The following MELK variants were observed in gnomAD, a reference collection of about 807,000 sequenced individuals.
MELK encodes the protein maternal embryonic leucine zipper kinase.
MELK carries 81 observed loss-of-function variants against 85.0 expected under a neutral mutation model. The ratio of observed to expected loss-of-function variants is 0.95; its 90% confidence interval spans 0.80 to 1.15. MELK has a LOEUF of 1.15. Ranked by LOEUF, MELK falls within the 50% of genes most tolerant of loss-of-function variation. MELK has a pLI of 0.00. For missense variants in MELK, 754 were observed against 777.5 expected, an observed-to-expected ratio of 0.97 and a Z score of 0.36; for synonymous variants, 252 against 265.0, an observed-to-expected ratio of 0.95 and a Z score of 0.48.
intron 17 of MELK, among the ~76,000 whole-genome samples, chr9:36,675,969 C>G (rs1213555099): frequency 6.6e-6 from 1 of 152,102 alleles, no homozygotes; most frequent in Non-Finnish European, 1.5e-5. Context: ...CCTGGCATTC[C>G]TCTCAGGCTT....
At chr9:36,615,895 C>G (rs1181834044) in intron 8 of MELK, among the ~76,000 whole-genome samples, 9 of 150,786 alleles carry the variant, frequency 6.0e-5, no homozygotes, top group Non-Finnish European at 5.9e-5. Context: ...AGAGGGGCTC[C>G]TCACATCCCA....
At position 36,674,849 on chromosome 9, in the gene MELK, A is replaced by G. The variant is rs753300807; in HGVS notation, c.1690A>G (p.Thr564Ala). The stretch of plus-strand genomic sequence containing the variant: ...CTTTTCTTAGCTTCACTATAACGTG[A>G]CTACAACTAGATTAGTGAATCCAGA... ...PRRLKLHYNV[T>A]TTRLVNPDQL... The change falls in exon 17 of 18, where the codon ACT (threonine) becomes GCT (alanine). Residue 564 changes from threonine to alanine, a missense_variant. Coordinates refer to ENST00000298048, the MANE Select transcript of MELK (RefSeq NM_014791.4). 3.8e-6 allele frequency: 6 copies of G among 1,578,182 alleles called. No individual in the cohort carries two copies. Among genetic ancestry groups the G allele is most frequent in the African/African-American group, 2.7e-5 (2 of 74,450 alleles).
chr9:36,645,836 A>G (rs2137041906), intron 11 of MELK, among the ~76,000 whole-genome samples: 1 of 152,324 alleles, frequency 6.6e-6, no homozygotes, highest in African/African-American at 2.4e-5. Context: ...TAGGACCAGC[A>G]GCAGCAGCAT....
chr9:36,601,875 T>C (rs755534852), intron 7 of MELK, among the ~76,000 whole-genome samples: 15 of 152,240 alleles, frequency 9.9e-5, no homozygotes, highest in Non-Finnish European at 1.8e-4. Context: ...TCAAGGTTCA[T>C]GCATGTTGTA....
At chr9:36,675,840 A>AT (rs1440161392) in intron 17 of MELK, among the ~76,000 whole-genome samples, 5 of 152,204 alleles carry the variant, frequency 3.3e-5, no homozygotes, top group Non-Finnish European at 1.5e-5. Flanking sequence ...ACATGCATGG[A>AT]TTTAAACATG....
At chr9:36,587,070 C>T (rs1421352722) in intron 3 of MELK, among the ~76,000 whole-genome samples, 1 of 151,914 alleles carries the variant, frequency 6.6e-6, no homozygotes, top group Admixed American at 6.6e-5. Context: ...AGGATGGTCT[C>T]GATCTCCTGA....
intron 8 of MELK, among the ~76,000 whole-genome samples, chr9:36,616,078 G>A (rs1409905137): frequency 6.6e-6 from 1 of 152,136 alleles, no homozygotes; most frequent in Non-Finnish European, 1.5e-5. Flanking sequence ...GCGCTCGCCG[G>A]CGCGGTGGCA....
chr9:36,643,533 T>C (rs187821085), intron 11 of MELK, among the ~76,000 whole-genome samples: 71 of 152,308 alleles, frequency 4.7e-4, no homozygotes, highest in Non-Finnish European at 9.7e-4. Context: ...TTAAAAAATA[T>C]TTACATATGA....
intron 11 of MELK, among the ~76,000 whole-genome samples, chr9:36,649,478 T>C (rs1003326950): frequency 6.9e-6 from 1 of 144,512 alleles, no homozygotes; most frequent in African/African-American, 2.6e-5. Context: ...CAGAGCAAAG[T>C]AGAACAGCTA....
chr9:36,581,874 G>A, intron 2 of MELK, 135 bp downstream of exon 2: 2 of 607,680 alleles, frequency 3.3e-6, no homozygotes, highest in East Asian at 2.8e-5. Flanking sequence ...AAGAAAAAGT[G>A]GAGCAAGCAG....
chr9:36,662,360 C>T (rs1441456210), intron 13 of MELK, among the ~76,000 whole-genome samples: 8 of 151,782 alleles, frequency 5.3e-5, no homozygotes, highest in Non-Finnish European at 7.4e-5. Flanking sequence ...TCTCCTGCCT[C>T]AGCCTCCCAA....
chr9:36,596,349 G>A (rs948373240), intron 5 of MELK, among the ~76,000 whole-genome samples: 4 of 151,558 alleles, frequency 2.6e-5, no homozygotes, highest in African/African-American at 9.7e-5. Flanking sequence ...TCTGCCTCCC[G>A]TGTTCACGCC....
chr9:36,613,641 T>C (rs746508053), intron 8 of MELK, among the ~76,000 whole-genome samples: 1 of 152,108 alleles, frequency 6.6e-6, no homozygotes, highest in Non-Finnish European at 1.5e-5. Context: ...AGGATAAACT[T>C]CATGGAGGCG....
At chr9:36,662,127 AT>A (rs1180055802) in intron 13 of MELK, among the ~76,000 whole-genome samples, 1 of 147,614 alleles carries the variant, frequency 6.8e-6, no homozygotes, top group East Asian at 2.0e-4. Context: ...TTATTTCTTG[AT>A]TTTTTATGTT....
rs1587300808 is a variant in MELK, at chr9:36,578,953, C to G, written c.-38-2691C>G. Among the ~76,000 whole-genome samples, 3 of 152,132 alleles carry G rather than the reference C, an allele frequency of 2.0e-5. 1 individual carries two copies. Among genetic ancestry groups the G allele is most frequent in the Middle Eastern group, 3.4e-3 (1 of 294 alleles). The stretch of plus-strand genomic sequence containing the variant: ...TGCCTCCTGGGTTCAAGCAATTCTC[C>G]TGCCTCAGCCTCCCGAGTAGCTGGG... On this transcript the variant is annotated intron_variant, in intron 1 of 17. Coordinates refer to ENST00000298048, the MANE Select transcript of MELK (RefSeq NM_014791.4).
intron 9 of MELK, among the ~76,000 whole-genome samples, chr9:36,631,700 A>G (rs1384181034): frequency 6.6e-6 from 1 of 152,078 alleles, no homozygotes; most frequent in African/African-American, 2.4e-5. Context: ...TCAGCCTCCC[A>G]AGTAACTGGG....
chr9:36,657,017 G>A (rs368096103), intron 12 of MELK, among the ~76,000 whole-genome samples: 228 of 152,336 alleles, frequency 1.5e-3, no homozygotes, highest in African/African-American at 5.3e-3. Context: ...GGTTTGTAGT[G>A]TAGGAGCAAC....
intron 8 of MELK, among the ~76,000 whole-genome samples, chr9:36,629,354 A>T (rs1828280995): frequency 6.6e-6 from 1 of 152,182 alleles, no homozygotes; most frequent in Non-Finnish European, 1.5e-5. Context: ...TAAGTGTGTA[A>T]AGAGATATTC....
At chr9:36,675,032 TC>T in intron 17 of MELK, 95 bp downstream of exon 17, 1 of 807,854 alleles carries the variant, frequency 1.2e-6, no homozygotes, top group Non-Finnish European at 2.0e-6. Flanking sequence ...ACGCCTGTAA[TC>T]CCAGCACTTT....
Sources: gnomAD v4.1 joint callset for allele counts (sites outside exome capture counted in the v4.1 genomes callset) on GRCh38, gnomAD v4.1.1 for gene constraint, MANE v1.5 for transcripts, NCBI Gene and HGNC (gene_info 2026-07-23, HGNC 2026-07-21) for gene names.